TYW1B: variants seen among roughly 807,000 people sequenced by gnomAD.
TYW1B encodes the protein tRNA-yW synthesizing protein 1 homolog B.
TYW1B carries 73 observed loss-of-function variants against 86.9 expected under a neutral mutation model. The ratio of observed to expected loss-of-function variants is 0.84; its 90% CI spans 0.70 to 1.02. The LOEUF (loss-of-function observed/expected upper bound fraction) is 1.02, where lower values mean the gene tolerates loss of function less well. Ranked by LOEUF, TYW1B falls within the 50% of genes least tolerant of loss-of-function variation. The pLI, the probability that TYW1B is intolerant of heterozygous loss-of-function variation, is 0.00. For missense variants in TYW1B, 637 were observed against 827.4 expected, an observed-to-expected ratio of 0.77 and a Z score of 2.82; for synonymous variants, 248 against 292.8, an observed-to-expected ratio of 0.85 and a Z score of 1.56.
chr7:72,811,934 AAG>A (rs1163670043), intron 3 of TYW1B, among the ~76,000 whole-genome samples: 2 of 130,718 alleles, frequency 1.5e-5, no homozygotes, highest in Non-Finnish European at 3.2e-5. Flanking sequence ...AAAAAAAAAA[AAG>A]GAAAAGAAAA....
intron 11 of TYW1B, among the ~76,000 whole-genome samples, chr7:72,633,893 T>C (rs1482765283): frequency 1.3e-5 from 2 of 152,126 alleles, no homozygotes; most frequent in Non-Finnish European, 2.9e-5. Flanking sequence ...GTTTTGCCTG[T>C]TTAAGGAAAT....
intron 11 of TYW1B, among the ~76,000 whole-genome samples, chr7:72,673,648 C>A (rs1342843389): frequency 7.9e-5 from 12 of 151,814 alleles, no homozygotes; most frequent in Non-Finnish European, 1.2e-4. Context: ...TTAATGGGTA[C>A]AAAAAATAGA....
intron 7 of TYW1B, among the ~76,000 whole-genome samples, chr7:72,771,589 A>T (rs1376668378): frequency 6.6e-6 from 1 of 152,170 alleles, no homozygotes. Flanking sequence ...AACAAAAAAA[A>T]CCTGCAAAGC....
intron 11 of TYW1B, among the ~76,000 whole-genome samples, chr7:72,642,758 C>T (rs1212492814): frequency 3.3e-5 from 5 of 151,956 alleles, no homozygotes; most frequent in East Asian, 1.9e-4. Flanking sequence ...AAAATTAGCT[C>T]GGTGTGGTGG....
At chr7:72,645,095 G>A (rs1274629836) in intron 11 of TYW1B, among the ~76,000 whole-genome samples, 5 of 152,146 alleles carry the variant, frequency 3.3e-5, no homozygotes, top group Non-Finnish European at 7.3e-5. Flanking sequence ...CCAAAGAGCT[G>A]GGATTACAGG....
intron 13 of TYW1B, among the ~76,000 whole-genome samples, chr7:72,590,637 A>T (rs1393685484): frequency 6.6e-6 from 1 of 152,246 alleles, no homozygotes; most frequent in Admixed American, 6.5e-5. Flanking sequence ...CCTCGGGCTG[A>T]TCCTTGGCAC....
intron 10 of TYW1B, among the ~76,000 whole-genome samples, chr7:72,703,592 T>A (rs1328342643): frequency 1.3e-5 from 2 of 151,700 alleles, no homozygotes; most frequent in African/African-American, 4.8e-5. Context: ...CGGTGGCTCA[T>A]GCCTGTAATC....
chr7:72,641,040 G>A (rs1400770896), intron 11 of TYW1B, among the ~76,000 whole-genome samples: 1 of 151,974 alleles, frequency 6.6e-6, no homozygotes, highest in African/African-American at 2.4e-5. Context: ...AGAAAAAGAA[G>A]ACACAGATAA....
At chr7:72,658,058 A>T (rs1187849634) in intron 11 of TYW1B, among the ~76,000 whole-genome samples, 1 of 152,190 alleles carries the variant, frequency 6.6e-6, no homozygotes, top group Non-Finnish European at 1.5e-5. Flanking sequence ...GATCAAGACC[A>T]TCCTGGCTAA....
chr7:72,625,662 A>AAAAACAAAAC, intron 12 of TYW1B, among the ~76,000 whole-genome samples: 1 of 151,830 alleles, frequency 6.6e-6, no homozygotes, highest in Middle Eastern at 3.4e-3. Context: ...ACTGTCTCAG[A>AAAAACAAAAC]AAAACAAAAC....
chr7:72,732,095 A>C (rs1787123541), intron 8 of TYW1B, among the ~76,000 whole-genome samples: 1 of 152,078 alleles, frequency 6.6e-6, no homozygotes, highest in Admixed American at 6.6e-5. Flanking sequence ...TAACAACTGT[A>C]AATATTTATG....
chr7:72,593,330 G>A (rs1346325036), intron 13 of TYW1B, among the ~76,000 whole-genome samples: 3 of 151,028 alleles, frequency 2.0e-5, no homozygotes, highest in African/African-American at 7.3e-5. Context: ...TAAAGCACTT[G>A]AAGGGCACAA....
At chr7:72,672,152 T>C (rs1813622179) in intron 11 of TYW1B, among the ~76,000 whole-genome samples, 1 of 152,130 alleles carries the variant, frequency 6.6e-6, no homozygotes, top group African/African-American at 2.4e-5. Flanking sequence ...GTTCTCTCAT[T>C]TTTTTGCCTG....
intron 6 of TYW1B, among the ~76,000 whole-genome samples, chr7:72,782,231 G>A (rs190248531): frequency 8.3e-4 from 126 of 152,136 alleles, no homozygotes; most frequent in Non-Finnish European, 1.7e-3. Context: ...CAAGGCTGTG[G>A]TGAGCTATGA....
chr7:72,824,373 G>A (rs1788891292), intron 2 of TYW1B, among the ~76,000 whole-genome samples: 1 of 152,134 alleles, frequency 6.6e-6, no homozygotes, highest in East Asian at 1.9e-4. Context: ...GCCAAGGTGG[G>A]TGAATATCTT....
chr7:72,645,881 A>T (rs567117834), intron 11 of TYW1B, among the ~76,000 whole-genome samples: 2 of 151,286 alleles, frequency 1.3e-5, no homozygotes, highest in Non-Finnish European at 2.9e-5. Context: ...CTCATGTAAG[A>T]CCTGTGCCCT....
chr7:72,647,294 G>C (rs1315004195), intron 11 of TYW1B, among the ~76,000 whole-genome samples: 1 of 152,186 alleles, frequency 6.6e-6, no homozygotes, highest in African/African-American at 2.4e-5. Context: ...AACATGGCAA[G>C]ATGATTAAAG....
intron 7 of TYW1B, among the ~76,000 whole-genome samples, chr7:72,766,613 CAAAA>C (rs56738770): frequency 6.0e-5 from 5 of 82,936 alleles, no homozygotes; most frequent in Admixed American, 3.3e-4. Flanking sequence ...GATTCAGTCT[CAAAA>C]AAAAAAAAAA....
intron 11 of TYW1B, among the ~76,000 whole-genome samples, chr7:72,632,413 A>ATG (rs1812546560): frequency 1.2e-5 from 1 of 84,214 alleles, no homozygotes; most frequent in African/African-American, 7.4e-5. Flanking sequence ...ATATATATAC[A>ATG]TATATATATA....
Sources: allele counts gnomAD v4.1 joint callset (sites outside exome capture counted in the v4.1 genomes callset), GRCh38; gene constraint gnomAD v4.1.1; transcripts MANE v1.5; gene names NCBI Gene and HGNC (gene_info 2026-07-23, HGNC 2026-07-21).